The following ZAN variants were observed in gnomAD, a reference collection of about 807,000 sequenced individuals.
The protein encoded by ZAN is zonadhesin, also known as zonadhesin (gene/pseudogene).
ZAN carries 260 observed loss-of-function variants against 286.2 expected under a neutral mutation model. The ratio of observed to expected loss-of-function variants is 0.91; its 90% CI spans 0.82 to 1.01. The LOEUF is 1.01. Ranked by LOEUF, ZAN falls within the 50% of genes least tolerant of loss-of-function variation. The pLI is 0.00. For missense variants in ZAN, 3,410 were observed against 3,639.2 expected, an observed-to-expected ratio of 0.94 and a Z score of 1.62; for synonymous variants, 1,368 against 1,417.5, an observed-to-expected ratio of 0.97 and a Z score of 0.79.
At chr7:100,739,556 G>A (rs1235046385) in intron 7 of ZAN, among the ~76,000 whole-genome samples, 1 of 136,212 alleles carries the variant, frequency 7.3e-6, no homozygotes, top group Non-Finnish European at 1.7e-5. Context: ...GCTTTGGGAA[G>A]CTGAGACGGG....
In ZAN at chr7:100,773,516, C is replaced by T; in HGVS notation, c.5634+23C>T. 3 of 1,610,214 alleles carry T rather than the reference C, an allele frequency of 1.9e-6. No individual in the cohort carries two copies. In the South Asian group the frequency reaches 3.3e-5, roughly 18 times the overall value. Reference sequence around the variant, plus strand: ...CCGGTGAGAGGCCAGCTAGGAGGGGCCCCGCCCTTTCCAGGCCCACATGTT... The same window carrying T: ...CCGGTGAGAGGCCAGCTAGGAGGGGTCCCGCCCTTTCCAGGCCCACATGTT... On this transcript the variant is annotated intron_variant, in intron 30 of 47. Coordinates refer to ENST00000613979, the MANE Select transcript of ZAN (RefSeq NM_003386.3).
chr7:100,737,523 G>A (rs1807401804), intron 6 of ZAN, among the ~76,000 whole-genome samples, 174 bp downstream of exon 6: 1 of 138,448 alleles, frequency 7.2e-6, no homozygotes, highest in South Asian at 2.2e-4. Flanking sequence ...TGGTTAACAC[G>A]GTGAAGCCCC....
Position 100,767,032 on chromosome 7 carries a change from G to A in ZAN, c.4635G>A (p.Ser1545=). ...CAGGTGCCGCCACCTGCACAGCCTC[G>A]GGTGACCCCCACTACCTGACCTTCG... ...HAQGAATCTA[S]GDPHYLTFDG... is the part of the protein sequence containing the mutation. Residue 1545 remains serine, a synonymous_variant, in exon 25 of 48, where the codon TCG becomes TCA. Coordinates refer to ENST00000613979, the MANE Select transcript of ZAN (RefSeq NM_003386.3). The A allele has an allele frequency of 4.3e-6, 7 of 1,613,752 alleles. No individual in the cohort carries two copies. The highest frequency in any genetic ancestry group is 2.7e-5 in the African/African-American group (2 of 74,972).
At chr7:100,770,096 A>G in intron 28 of ZAN, 122 bp downstream of exon 28, 1 of 938,574 alleles carries the variant, frequency 1.1e-6, no homozygotes, top group Non-Finnish European at 1.6e-6. Flanking sequence ...AGGAAGGCAA[A>G]TGGGAACACA....
At chr7:100,774,831 TAA>T (rs10719145) in intron 31 of ZAN, among the ~76,000 whole-genome samples, 9,022 of 144,694 alleles carry the variant, frequency 0.062, 1,275 homozygotes, top group East Asian at 0.51. Context: ...ATGTCTCAAA[TAA>T]AAAAAAAAAA....
chr7:100,788,487 G>T (rs549440738), intron 38 of ZAN, among the ~76,000 whole-genome samples: 1 of 152,202 alleles, frequency 6.6e-6, no homozygotes, highest in South Asian at 2.1e-4. Flanking sequence ...AGGAGTTTGA[G>T]GCTGCAGTGA....
chr7:100,749,473 T>C (rs1808465859), intron 11 of ZAN, among the ~76,000 whole-genome samples: 1 of 148,546 alleles, frequency 6.7e-6, no homozygotes, highest in South Asian at 2.1e-4. Context: ...ACCCCGTCCC[T>C]ACTAAAAACA....
intron 41 of ZAN, 52 bp from the exon 42 acceptor site, chr7:100,792,353 C>T (rs1812033017): frequency 6.5e-7 from 1 of 1,546,078 alleles, no homozygotes; most frequent in East Asian, 2.3e-5. Flanking sequence ...AGGGGTGGGT[C>T]TCCTCCCCTC....
chr7:100,767,782 C>T (rs761855416), intron 25 of ZAN, 49 bp from the exon 26 acceptor site: 1 of 1,574,940 alleles, frequency 6.3e-7, no homozygotes, highest in Admixed American at 1.8e-5. Context: ...TTGCCTTTAT[C>T]CCGAGTTCTT....
chr7:100,756,423 T>A (rs1809150409), intron 15 of ZAN, among the ~76,000 whole-genome samples: 2 of 127,188 alleles, frequency 1.6e-5, no homozygotes, highest in African/African-American at 7.0e-5. Flanking sequence ...AGTGACACCC[T>A]GTCTCAAAAA....
At chr7:100,792,751 G>A (rs1191785136) in intron 42 of ZAN, among the ~76,000 whole-genome samples, 4 of 151,882 alleles carry the variant, frequency 2.6e-5, no homozygotes, top group Admixed American at 6.6e-5. Flanking sequence ...ACCCCATCCC[G>A]CATCCCGCTC....
At chr7:100,765,850 G>A (rs969435818) in intron 23 of ZAN, among the ~76,000 whole-genome samples, 6 of 151,880 alleles carry the variant, frequency 4.0e-5, no homozygotes, top group Non-Finnish European at 8.8e-5. Context: ...GGTAGGGGGC[G>A]GTTTCACCAT....
chr7:100,774,010 A>G (rs941585959), intron 31 of ZAN, 145 bp downstream of exon 31: 51 of 1,263,810 alleles, frequency 4.0e-5, no homozygotes, highest in Non-Finnish European at 5.1e-5. Flanking sequence ...GGTGGGTAAG[A>G]TGACCTCCAA....
Position 100,768,062 on chromosome 7 carries a change from T to C in ZAN, c.5041+51T>C, listed in dbSNP as rs1009926913. ...AAAGCTGGGACAATGAGTAGGCGTG[T>C]GACCTGGTCCCAGCTCCCCCAACAT... On this transcript the variant is annotated intron_variant, in intron 26 of 47. Transcript: ENST00000613979. 9 of 1,562,968 alleles carry C rather than the reference T, an allele frequency of 5.8e-6. No individual in the cohort carries two copies. In the South Asian group the frequency reaches 9.8e-5, roughly 17 times the overall value.
chr7:100,755,196 A>G, intron 14 of ZAN, 30 bp from the exon 15 acceptor site: 1 of 1,584,118 alleles, frequency 6.3e-7, no homozygotes, highest in Non-Finnish European at 8.6e-7. Flanking sequence ...CCATGGAATG[A>G]AAGCATGACA....
At position 100,768,703 on chromosome 7, in the gene ZAN, C is replaced by T. The variant is rs1810182681; in HGVS notation, c.5135C>T (p.Pro1712Leu). The change falls in exon 27 of 48, where the codon CCT becomes CTT. Residue 1712 changes from proline (P) to leucine (L), a missense_variant. Physicochemically the swap from Pro to Leu is moderately conservative, Grantham distance 98. Coordinates refer to ENST00000613979, the MANE Select transcript of ZAN (RefSeq NM_003386.3). ...CAGCTGGGGGCCGCCTGGAAGTTAC[C>T]TGAATCCTCTGAACCTGGGTGAGCT... Reference protein sequence around the residue: ...SMQLGAAWKLPESSEPGCFLV... With the variant: ...SMQLGAAWKLLESSEPGCFLV... The T allele has an allele frequency of 1.2e-6, 2 of 1,601,646 alleles. No individual in the cohort carries two copies. The highest frequency in any genetic ancestry group is 1.7e-6 in the Non-Finnish European group (2 of 1,174,260).
Position 100,775,574 on chromosome 7 carries a change from T to C in ZAN, c.6026T>C (p.Leu2009Pro), listed in dbSNP as rs771339146. 2.5e-6 allele frequency: 4 copies of C among 1,613,150 alleles called. No homozygotes were observed. Among genetic ancestry groups the C allele is most frequent in the East Asian group, 2.2e-5 (1 of 44,846 alleles). ...QVTLQKGHRV[L>P]INSKQVTLPA... ...ACCCTGCAGAAGGGCCACCGTGTGC[T>C]AGTGAGCTGGGTGTGGTGACCGGGG... The change falls in exon 32 of 48, where the codon CTA (leucine) becomes CCA (proline). Residue 2009 changes from leucine (L) to proline (P), a missense_variant and splice_region_variant. Around this residue, in one of 7 missense-constraint regions of ZAN, gnomAD observed 1,289 missense variants for 1,314.3 expected, o/e 0.98. Transcript: ENST00000613979.
chr7:100,764,956 A>G (rs1247327709), intron 22 of ZAN, among the ~76,000 whole-genome samples: 1 of 151,984 alleles, frequency 6.6e-6, no homozygotes, highest in Non-Finnish European at 1.5e-5. Flanking sequence ...CAGGGGAGGC[A>G]ACGAGGCTGC....
At position 100,797,317 on chromosome 7, in the gene ZAN, C is replaced by A. The variant is rs746481671; in HGVS notation, c.8267-49C>A. 5 of 1,580,978 alleles carry A rather than the reference C, an allele frequency of 3.2e-6. No homozygotes were observed. In the Middle Eastern group the frequency reaches 5.7e-4, roughly 181 times the overall value. ...AAAAGGGAGTACCCCTCAGTCCCCA[C>A]CCTTCCCGTCTCACGTTCGACCTAA... On this transcript the variant is annotated intron_variant, in intron 45 of 47. Coordinates refer to ENST00000613979, the MANE Select transcript of ZAN (RefSeq NM_003386.3).
Sources: gnomAD v4.1 joint callset for allele counts (sites outside exome capture counted in the v4.1 genomes callset) on GRCh38, gnomAD v4.1.1 for gene constraint, gnomAD v4.1.1 regional missense constraint, MANE v1.5 for transcripts, NCBI Gene and HGNC (gene_info 2026-07-23, HGNC 2026-07-21) for gene names.